Variants in SEZ6 observed in about 807,000 individuals in gnomAD.
SEZ6 encodes seizure protein 6 homolog.
SEZ6 carries 53 observed loss-of-function variants against 101.0 expected under a neutral mutation model. The observed-to-expected ratio is 0.52, with a 90% CI of 0.42 to 0.66. The LOEUF (loss-of-function observed/expected upper bound fraction) is 0.66. SEZ6 is among the 30% of genes least tolerant of loss of function. The pLI is 0.00. For missense variants in SEZ6, 1,102 were observed against 1,289.4 expected, an observed-to-expected ratio of 0.85 and a Z score of 2.23; for synonymous variants, 488 against 512.2, an observed-to-expected ratio of 0.95 and a Z score of 0.64.
chr17:28,978,312 G>A (rs141466403), intron 3 of SEZ6, among the ~76,000 whole-genome samples: 2 of 152,318 alleles, frequency 1.3e-5, no homozygotes, highest in East Asian at 1.9e-4. Flanking sequence ...CCATCCCTTT[G>A]TCCGATCATT....
chr17:28,956,211 TA>T lies in SEZ6; in HGVS notation c.2899del (p.Tyr967ThrfsTer6), dbSNP rs1278612684. 1.1e-5 allele frequency: 2 copies of T among 184,394 alleles called. No homozygotes were observed. The highest frequency in any genetic ancestry group is 1.1e-4 in the African/African-American group (1 of 9,042). 11.4% of individuals were successfully genotyped at this position (184,394 alleles called of 1,614,324 possible). On this transcript the variant is annotated frameshift_variant, in exon 16 of 17. Coordinates refer to ENST00000317338, the MANE Select transcript of SEZ6 (RefSeq NM_178860.5). LOFTEE classifies it high-confidence loss of function. ...CGCTGACTCTATGGTAATGCGGTTG[TA>T]GGGGCGGGGGCGGGGGCGGGGCAGC... ...LQLPRPRPRP[Y>X]NRITIESAFD... is the part of the protein sequence containing the mutation.
intron 11 of SEZ6, 197 bp downstream of exon 11, chr17:28,957,750 A>C (rs1567981252): frequency 1.2e-6 from 1 of 849,390 alleles, no homozygotes; most frequent in African/African-American, 1.7e-5. Context: ...TCTACCAGGA[A>C]TGAAATACTT....
Position 28,981,634 on chromosome 17 carries a change from G to A in SEZ6, c.461C>T (p.Pro154Leu). The A allele has an allele frequency of 6.3e-7, 1 of 1,584,916 alleles. No homozygotes were observed. Among genetic ancestry groups the A allele is most frequent in the Non-Finnish European group, 8.6e-7 (1 of 1,161,238 alleles). The part of the protein sequence containing the change: ...SESPMLRITA[P>L]LPPGPSMAVP... Reference sequence around the variant, plus strand: ...TGCCATGCTGGGCCCTGGAGGTAGGGGAGCTGTGATTCGAAGCATAGGGGA... The same window carrying A: ...TGCCATGCTGGGCCCTGGAGGTAGGAGAGCTGTGATTCGAAGCATAGGGGA... Residue 154 changes from proline (P) to leucine (L), a missense_variant, in exon 2 of 17, where the codon CCC (proline) becomes CTC (leucine). Pro to Leu is a moderately conservative substitution (Grantham distance 98). Around this residue, in one of 3 missense-constraint regions of SEZ6, gnomAD observed 406 missense variants for 418.6 expected, o/e 0.97. Coordinates refer to ENST00000317338, the MANE Select transcript of SEZ6 (RefSeq NM_178860.5).
chr17:28,980,372 A>AT (rs377432862), intron 2 of SEZ6, among the ~76,000 whole-genome samples: 18,752 of 134,790 alleles, frequency 0.14, 1,329 homozygotes, highest in South Asian at 0.26. Context: ...ATGCCTGGCT[A>AT]TTTTTTTTTT....
At chr17:28,979,848 G>A (rs1205611312) in intron 2 of SEZ6, 35 bp from the exon 3 acceptor site, 4 of 1,584,000 alleles carry the variant, frequency 2.5e-6, no homozygotes, top group Non-Finnish European at 3.4e-6. Context: ...GCTAGTGCCA[G>A]CTCTGGTGAA....
intron 1 of SEZ6, among the ~76,000 whole-genome samples, chr17:28,983,947 G>A (rs546254967): frequency 1.3e-5 from 2 of 152,276 alleles, no homozygotes; most frequent in East Asian, 3.9e-4. Flanking sequence ...TCAGACAAAT[G>A]GGAGGAGGGA....
intron 1 of SEZ6, among the ~76,000 whole-genome samples, chr17:28,999,624 C>T (rs763521069): frequency 6.6e-6 from 1 of 152,216 alleles, no homozygotes; most frequent in Non-Finnish European, 1.5e-5. Context: ...AGCATCCATC[C>T]TCCCCCCACA....
intron 10 of SEZ6, 128 bp from the exon 11 acceptor site, chr17:28,958,269 ATC>A: frequency 9.3e-7 from 1 of 1,072,936 alleles, no homozygotes. Flanking sequence ...GGGCTCAGGG[ATC>A]CATTCCTCCC....
intron 1 of SEZ6, among the ~76,000 whole-genome samples, chr17:29,004,306 G>A (rs531883533): frequency 6.6e-6 from 1 of 152,326 alleles, no homozygotes; most frequent in Admixed American, 6.5e-5. Flanking sequence ...CCCAAGATAG[G>A]TTCGGAATTC....
Position 28,958,044 on chromosome 17 carries a change from A to G in SEZ6, c.2205T>C (p.Thr735=). The change falls in exon 11 of 17, where the codon ACT becomes ACC. Residue 735 remains threonine (T), a synonymous_variant. Coordinates refer to ENST00000317338, the MANE Select transcript of SEZ6 (RefSeq NM_178860.5). ...CCTGGTAGCCAGGGTAGCACTGGTA[A>G]GTGACCACGGTGCCGTGCACTAGCT... is the stretch of plus-strand genomic sequence containing the variant. ...QPELVHGTVV[T]YQCYPGYQVV... is the part of the protein sequence containing the mutation. 1 of 1,613,872 alleles carries G rather than the reference A, an allele frequency of 6.2e-7. No homozygotes were observed.
At chr17:29,003,753 T>A (rs1038278518) in intron 1 of SEZ6, among the ~76,000 whole-genome samples, 1 of 152,188 alleles carries the variant, frequency 6.6e-6, no homozygotes, top group African/African-American at 2.4e-5. Flanking sequence ...ATCCTCAGGC[T>A]TGGCACTTCG....
chr17:28,965,018 T>C (rs983712526), intron 4 of SEZ6, among the ~76,000 whole-genome samples: 3 of 149,514 alleles, frequency 2.0e-5, no homozygotes, highest in Non-Finnish European at 3.0e-5. Context: ...ATCACTCCAT[T>C]GCATTCCTGC....
Position 29,005,295 on chromosome 17 carries a change from T to G in SEZ6, c.55+520A>C, listed in dbSNP as rs2041672227. Among the ~76,000 whole-genome samples the G allele has an allele frequency of 6.6e-6, 1 of 151,768 alleles. No homozygotes were observed. The highest frequency in any genetic ancestry group is 1.5e-5 in the Non-Finnish European group (1 of 67,920). ...CCAGGGCATGGGGAGGTGAGCGAGG[T>G]CCCAACCCCGGGTCCGGCCGCCATC... On this transcript the variant is annotated intron_variant, in intron 1 of 16. Transcript: ENST00000317338. The surrounding 1 kb of genome is among the most constrained non-coding windows in gnomAD (Gnocchi z 4.8).
chr17:28,968,919 C>T (rs543928710), intron 4 of SEZ6, among the ~76,000 whole-genome samples: 7 of 152,318 alleles, frequency 4.6e-5, no homozygotes, highest in South Asian at 2.1e-4. Flanking sequence ...GCTGAGACAG[C>T]GGCAAAGTCC....
rs3052131 is a variant in SEZ6 at position 28,979,880 on chromosome 17, CGTGTGTGTGTGTGTGTGT to C, written c.725-85_725-68del. On this transcript the variant is annotated intron_variant, in intron 2 of 16. Transcript: ENST00000317338. ...TGAAGTGGTCCAACTAAGGCTGAAC[CGTGTGTGTGTGTGTGTGT>C]GTGTGTGTGTGTGTGTGTGTGTGTG... The C allele has an allele frequency of 7.1e-4, 607 of 857,896 alleles. 2 individuals carry two copies. In the South Asian group the frequency reaches 7.7e-3, roughly 11 times the overall value. The allele number at this position is 857,896 out of a possible 1,614,324, so 53.1% of individuals were successfully genotyped here.
intron 13 of SEZ6, 86 bp from the exon 14 acceptor site, chr17:28,956,843 C>T: frequency 2.7e-6 from 4 of 1,490,866 alleles, no homozygotes; most frequent in South Asian, 1.2e-5. Context: ...GTGGGATGAT[C>T]ATGGGAAGGA....
intron 1 of SEZ6, among the ~76,000 whole-genome samples, 170 bp from the exon 2 acceptor site, chr17:28,982,209 A>G (rs1052819340): frequency 2.6e-5 from 4 of 152,134 alleles, no homozygotes; most frequent in Admixed American, 1.3e-4. Context: ...GTGAGGTGCT[A>G]TTACATACTT....
chr17:28,966,431 G>A (rs2041069061), intron 4 of SEZ6, among the ~76,000 whole-genome samples: 1 of 151,538 alleles, frequency 6.6e-6, no homozygotes. Flanking sequence ...TGCAGTGAGT[G>A]GAGATTGCGC....
intron 5 of SEZ6, 162 bp downstream of exon 5, chr17:28,963,800 T>G: frequency 1.3e-6 from 1 of 755,858 alleles, no homozygotes. Flanking sequence ...ATCTGGTAGA[T>G]GCTCAATAAG....
Sources: allele counts gnomAD v4.1 joint callset (sites outside exome capture counted in the v4.1 genomes callset), GRCh38; gene constraint gnomAD v4.1.1; regional missense constraint gnomAD v4.1.1; non-coding constraint Gnocchi (gnomAD v3.1); transcripts MANE v1.5; gene names NCBI Gene and HGNC (gene_info 2026-07-23, HGNC 2026-07-21).